The following KIF1B variants were observed in gnomAD, a reference collection of about 807,000 sequenced individuals.
KIF1B encodes the protein kinesin-like protein KIF1B.
Under a neutral mutation model 241.9 loss-of-function variants are expected in KIF1B, and 76 were observed. The ratio of observed to expected loss-of-function variants is 0.31; its 90% CI spans 0.26 to 0.38. KIF1B has a LOEUF of 0.38. Among genes scored for constraint, KIF1B ranks in the 10% least tolerant of loss-of-function variants. The probability of loss-of-function intolerance (pLI) is 1.00; values close to 1 mark genes in which losing one functional copy is unlikely to be tolerated. For missense variants in KIF1B, 1,622 were observed against 2,271.4 expected (o/e 0.71, Z 5.81); for synonymous variants, 750 against 796.7 (o/e 0.94, Z 0.99).
intron 1 of KIF1B, among the ~76,000 whole-genome samples, chr1:10,216,991 T>TTTTTTTA (rs1646777428): frequency 1.1e-5 from 1 of 91,694 alleles, no homozygotes; most frequent in Non-Finnish European, 2.2e-5. Flanking sequence ...TTTTTTTTTT[T>TTTTTTTA]GAGACAGAGT....
At chr1:10,244,315 C>CT (rs571243520) in intron 2 of KIF1B, among the ~76,000 whole-genome samples, 18,633 of 127,466 alleles carry the variant, frequency 0.15, 1,646 homozygotes, top group African/African-American at 0.19. Context: ...TTTTTCTTTT[C>CT]TTTTTTTTTT....
rs976987365 is a variant in KIF1B at position 10,323,773 on chromosome 1, A to G, written c.2359-111A>G. ...TTTTCAGTAGAAAGTTAGTCACAAGATATTTGTTGAGCACATTCGACCTCT... is the reference window on the plus strand; with the variant it reads ...TTTTCAGTAGAAAGTTAGTCACAAGGTATTTGTTGAGCACATTCGACCTCT... On this transcript the variant is annotated intron_variant, in intron 24 of 48. Transcript: ENST00000676179. The G allele has an allele frequency of 8.3e-6, 7 of 840,742 alleles. No homozygotes were observed. The East Asian group carries it at 1.5e-4, about 18-fold the overall frequency. The allele number at this position is 840,742 out of a possible 1,614,324, so 52.1% of individuals were successfully genotyped here.
Position 10,374,943 on chromosome 1 carries a change from A to G in KIF1B, c.5186A>G (p.Tyr1729Cys). 1 of 1,614,126 alleles carries G rather than the reference A, an allele frequency of 6.2e-7. No homozygotes were observed. The highest frequency in any genetic ancestry group is 8.5e-7 in the Non-Finnish European group (1 of 1,180,006). ...AKHFVVVRRP[Y>C]VFIYNSDKDP... ...CATTTTGTTGTCGTCCGTCGGCCTT[A>G]TGTCTTCATCTATAACAGTGACAAA... Residue 1729 changes from tyrosine (Y) to cysteine (C), a missense_variant, in exon 47 of 49, where the codon TAT becomes TGT. Tyr to Cys is a radical substitution (Grantham distance 194, BLOSUM62 -2). Coordinates refer to ENST00000676179, the MANE Select transcript of KIF1B (RefSeq NM_001365951.3). The surrounding 1 kb of genome is among the most constrained non-coding windows in gnomAD (Gnocchi z 4.3).
intron 22 of KIF1B, among the ~76,000 whole-genome samples, chr1:10,301,797 A>C (rs150455129): frequency 2.6e-5 from 4 of 152,352 alleles, no homozygotes; most frequent in Non-Finnish European, 5.9e-5. Flanking sequence ...TACTATTTGG[A>C]ATTCTAAATC....
intron 44 of KIF1B, 56 bp from the exon 45 acceptor site, chr1:10,371,085 T>C: frequency 1.2e-6 from 2 of 1,612,610 alleles, no homozygotes; most frequent in South Asian, 1.1e-5. Context: ...CTATTGTTAC[T>C]GTAGAGGCAG....
chr1:10,224,728 T>G (rs1571095593), intron 1 of KIF1B, among the ~76,000 whole-genome samples: 2 of 113,114 alleles, frequency 1.8e-5, no homozygotes, highest in African/African-American at 7.2e-5. Context: ...CTGGCCCCAA[T>G]TTATGTTTTT....
At chr1:10,287,747 T>G (rs1448569182) in intron 15 of KIF1B, among the ~76,000 whole-genome samples, 1 of 152,228 alleles carries the variant, frequency 6.6e-6, no homozygotes, top group African/African-American at 2.4e-5. Flanking sequence ...ACAGTAATTT[T>G]GCTTTCTTAG....
At chr1:10,347,652 T>G in intron 35 of KIF1B, 109 bp from the exon 36 acceptor site, 1 of 856,440 alleles carries the variant, frequency 1.2e-6, no homozygotes, top group Non-Finnish European at 2.0e-6. Context: ...AATGCCAGCA[T>G]GGGTGAGAAA....
At chr1:10,263,286 AT>A (rs1367108364) in intron 5 of KIF1B, among the ~76,000 whole-genome samples, 23 of 136,372 alleles carry the variant, frequency 1.7e-4, no homozygotes, top group Non-Finnish European at 3.3e-4. Context: ...AAAAATAATA[AT>A]AATAAATAAA....
intron 12 of KIF1B, among the ~76,000 whole-genome samples, chr1:10,277,381 C>G (rs576887848): frequency 1.5e-4 from 23 of 152,218 alleles, no homozygotes; most frequent in African/African-American, 5.3e-4. Flanking sequence ...GTGGCCCAAG[C>G]TGGAGTGCAG....
At chr1:10,235,562 G>T (rs1647039143) in intron 2 of KIF1B, among the ~76,000 whole-genome samples, 1 of 151,950 alleles carries the variant, frequency 6.6e-6, no homozygotes, top group Non-Finnish European at 1.5e-5. Flanking sequence ...CAAAAAAAAG[G>T]ATTATTAAAA....
chr1:10,224,125 G>A (rs963119610), intron 1 of KIF1B, among the ~76,000 whole-genome samples: 7 of 151,808 alleles, frequency 4.6e-5, no homozygotes, highest in Admixed American at 2.6e-4. Context: ...GTTTTTGTTT[G>A]TTTGTTTGAG....
rs771929965 is a variant in KIF1B, at chr1:10,261,890, A to G, written c.364-15A>G. The G allele has an allele frequency of 3.5e-5, 56 of 1,579,452 alleles. No individual in the cohort carries two copies. Among genetic ancestry groups the G allele is most frequent in the Non-Finnish European group, 4.8e-5 (55 of 1,148,556 alleles). ...CATTTGTGCTCTTCATGCCTCTCTC[A>G]TTCTACTTCCCTAGTTATGTGAAGA... On this transcript the variant is annotated splice_polypyrimidine_tract_variant and intron_variant, in intron 4 of 48. Coordinates refer to ENST00000676179, the MANE Select transcript of KIF1B (RefSeq NM_001365951.3).
intron 15 of KIF1B, among the ~76,000 whole-genome samples, chr1:10,282,870 T>C (rs547288564): frequency 6.6e-6 from 1 of 151,514 alleles, no homozygotes; most frequent in East Asian, 1.9e-4. Context: ...CGTGGTTTCA[T>C]TGAAAGATGG....
Position 10,303,769 on chromosome 1 carries a change from G to A in KIF1B, c.2115+6523G>A, listed in dbSNP as rs537969881. On this transcript the variant is annotated intron_variant, in intron 22 of 48. Transcript: ENST00000676179. The surrounding 1 kb of genome is among the most constrained non-coding windows in gnomAD (Gnocchi z 5.2). Reference sequence around the variant, plus strand: ...AATGGAAAAAGTCTTGCCACTGATCGGATCTCAGGAACAGAAAAGCCCAGG... The same window carrying A: ...AATGGAAAAAGTCTTGCCACTGATCAGATCTCAGGAACAGAAAAGCCCAGG... The A allele has an allele frequency of 4.2e-5, 67 of 1,614,152 alleles. No individual in the cohort carries two copies. The East Asian group carries it at 1.2e-3, about 29-fold the overall frequency.
At chr1:10,375,190 T>G in intron 47 of KIF1B, 65 bp from the exon 48 acceptor site, 2 of 1,497,494 alleles carry the variant, frequency 1.3e-6, no homozygotes, top group Admixed American at 1.7e-5. Flanking sequence ...CTTGGGAATA[T>G]GGCAAGGCAG....
rs1377919163 is a variant in KIF1B at position 10,352,718 on chromosome 1, C to G, written c.4037C>G (p.Ser1346Cys). ...ATTATTTCTGCCAAGTACCTGAAGT[C>G]TTCCCACAACTCTAGCAGGTGGGAC... ...LNIISAKYLK[S>C]SHNSSRTFYR... The change falls in exon 38 of 49, where the codon TCT becomes TGT. Residue 1346 changes from serine to cysteine, a missense_variant. By Grantham distance (112) the Ser-to-Cys change is moderately radical. Around this residue, in one of 7 missense-constraint regions of KIF1B, gnomAD observed 803 missense variants for 1,112.0 expected, o/e 0.72. Coordinates refer to ENST00000676179, the MANE Select transcript of KIF1B (RefSeq NM_001365951.3). The G allele has an allele frequency of 2.5e-6, 4 of 1,613,474 alleles. No individual in the cohort carries two copies. The highest frequency in any genetic ancestry group is 1.3e-5 in the African/African-American group (1 of 74,916).
chr1:10,350,115 C>T (rs1268309966), intron 37 of KIF1B, among the ~76,000 whole-genome samples: 1 of 151,272 alleles, frequency 6.6e-6, no homozygotes. Flanking sequence ...ATGGTGAAAC[C>T]CCGTCTCTAC....
chr1:10,266,318 T>G (rs896601509), intron 5 of KIF1B, among the ~76,000 whole-genome samples: 1 of 152,226 alleles, frequency 6.6e-6, no homozygotes. Context: ...GCCTGTTGGT[T>G]GTTTGGTGTG....
Sources: gnomAD v4.1 joint callset for allele counts (sites outside exome capture counted in the v4.1 genomes callset) on GRCh38, gnomAD v4.1.1 for gene constraint, gnomAD v4.1.1 regional missense constraint, Gnocchi (gnomAD v3.1) non-coding constraint, MANE v1.5 for transcripts, NCBI Gene and HGNC (gene_info 2026-07-23, HGNC 2026-07-21) for gene names.